Variants in LRP1B observed in about 807,000 individuals in gnomAD.
LRP1B encodes low-density lipoprotein receptor-related protein 1B.
LRP1B carries 217 observed loss-of-function variants against 556.6 expected under a neutral mutation model. The ratio of observed to expected loss-of-function variants is 0.39; its 90% confidence interval spans 0.35 to 0.44. The LOEUF (loss-of-function observed/expected upper bound fraction) is 0.44. LRP1B is among the 20% of genes least tolerant of loss of function. The pLI is 1.00. For synonymous variants in LRP1B, 2,047 were observed against 1,865.8 expected (o/e 1.10, Z -2.50); for missense variants, 5,053 against 5,620.8 (o/e 0.90, Z 3.23).
intron 1 of LRP1B, among the ~76,000 whole-genome samples, chr2:141,935,289 G>T (rs764544767): frequency 1.6e-4 from 25 of 152,136 alleles, no homozygotes; most frequent in Non-Finnish European, 3.1e-4. Flanking sequence ...ACATAAAAAT[G>T]ATAGTCATTA....
intron 32 of LRP1B, among the ~76,000 whole-genome samples, chr2:140,806,278 C>T (rs1350410476): frequency 2.0e-5 from 3 of 151,934 alleles, no homozygotes; most frequent in Non-Finnish European, 2.9e-5. Context: ...GTAAGACATA[C>T]AAATATATAA....
intron 6 of LRP1B, among the ~76,000 whole-genome samples, chr2:141,216,864 A>G (rs1053323369): frequency 6.6e-6 from 1 of 152,296 alleles, no homozygotes; most frequent in Admixed American, 6.5e-5. Context: ...GGTACAATGC[A>G]TATACCTCCA....
At chr2:141,226,449 G>A (rs1218080644) in intron 6 of LRP1B, among the ~76,000 whole-genome samples, 2 of 152,046 alleles carry the variant, frequency 1.3e-5, no homozygotes, top group Non-Finnish European at 2.9e-5. Context: ...TATTATTATG[G>A]AAGTGTTAAC....
intron 86 of LRP1B, among the ~76,000 whole-genome samples, chr2:140,252,941 T>C (rs1169052737): frequency 2.0e-5 from 3 of 152,082 alleles, no homozygotes; most frequent in South Asian, 2.1e-4. Context: ...TACAGCAAGT[T>C]ACCATATATT....
chr2:141,017,911 C>T (rs116273075), intron 12 of LRP1B, among the ~76,000 whole-genome samples: 238 of 151,098 alleles, frequency 1.6e-3, no homozygotes, highest in African/African-American at 5.6e-3. Context: ...GTGGGAGAAT[C>T]GATCACTTGA....
chr2:142,125,690 A>G (rs1377531394), intron 1 of LRP1B, among the ~76,000 whole-genome samples: 1 of 151,830 alleles, frequency 6.6e-6, no homozygotes, highest in Non-Finnish European at 1.5e-5. Flanking sequence ...TTTCATTTCT[A>G]TGTCTCTAGA....
chr2:140,971,630 C>T (rs149308010), intron 18 of LRP1B, among the ~76,000 whole-genome samples: 6 of 152,024 alleles, frequency 3.9e-5, no homozygotes, highest in South Asian at 2.1e-4. Context: ...GTCAGGAGAT[C>T]GAGACCATCC....
chr2:141,206,446 G>T (rs932865126), intron 6 of LRP1B, among the ~76,000 whole-genome samples: 1 of 151,956 alleles, frequency 6.6e-6, no homozygotes, highest in African/African-American at 2.4e-5. Context: ...TTAGCCAGGC[G>T]TGGTGGCGGG....
intron 7 of LRP1B, among the ~76,000 whole-genome samples, chr2:141,067,799 A>G (rs951535096): frequency 6.6e-6 from 1 of 152,026 alleles, no homozygotes; most frequent in Non-Finnish European, 1.5e-5. Context: ...ACTGCAAAGT[A>G]TGCGGTCCAC....
intron 7 of LRP1B, among the ~76,000 whole-genome samples, chr2:141,165,139 T>A (rs1237439360): frequency 6.6e-6 from 1 of 151,968 alleles, no homozygotes; most frequent in African/African-American, 2.4e-5. Flanking sequence ...AACACCTAGA[T>A]TAAAAGTAGC....
rs190525493 is a variant in LRP1B, at chr2:141,900,861, C to T, written c.83-90460G>A. On this transcript the variant is annotated intron_variant, in intron 1 of 90. Coordinates refer to ENST00000389484, the MANE Select transcript of LRP1B (RefSeq NM_018557.3). ...CCTTCTCAAATTATCTAAATTTGAG[C>T]ACTCCATCTGTTTCTTGCTGGGAAC... Among the ~76,000 whole-genome samples, 37 of 152,038 alleles carry T rather than the reference C, an allele frequency of 2.4e-4. No individual in the cohort carries two copies. In the East Asian group the frequency reaches 2.7e-3, roughly 11 times the overall value.
At chr2:140,507,120 A>G (rs1226602490) in intron 52 of LRP1B, among the ~76,000 whole-genome samples, 4 of 152,232 alleles carry the variant, frequency 2.6e-5, no homozygotes, top group East Asian at 1.9e-4. Flanking sequence ...ATAAATACAC[A>G]TAATTCAAGG....
intron 3 of LRP1B, among the ~76,000 whole-genome samples, chr2:141,376,612 A>C (rs1689448428): frequency 6.6e-6 from 1 of 152,228 alleles, no homozygotes; most frequent in South Asian, 2.1e-4. Context: ...GAAATGTTTT[A>C]AAATATGCAT....
intron 22 of LRP1B, 42 bp downstream of exon 22, chr2:140,907,835 G>C (rs1364280600): frequency 1.8e-5 from 28 of 1,543,674 alleles, no homozygotes; most frequent in Non-Finnish European, 2.5e-5. Context: ...CTAAAAGGTT[G>C]TAGTTTTCAT....
chr2:140,709,696 G>A (rs975723920), intron 37 of LRP1B, among the ~76,000 whole-genome samples: 1 of 151,876 alleles, frequency 6.6e-6, no homozygotes, highest in South Asian at 2.1e-4. Context: ...CTCCATTATG[G>A]TTCACATTTT....
intron 35 of LRP1B, among the ~76,000 whole-genome samples, chr2:140,727,876 T>C (rs998044829): frequency 2.6e-5 from 4 of 152,200 alleles, no homozygotes; most frequent in Admixed American, 6.5e-5. Context: ...GCTAACAAAT[T>C]ACATTTGTTT....
intron 1 of LRP1B, among the ~76,000 whole-genome samples, chr2:142,038,244 T>C (rs1703952669): frequency 6.6e-6 from 1 of 151,578 alleles, no homozygotes; most frequent in Non-Finnish European, 1.5e-5. Flanking sequence ...GGCATCGGTT[T>C]TAAATGGTGA....
intron 41 of LRP1B, among the ~76,000 whole-genome samples, chr2:140,619,814 C>A (rs1318868858): frequency 1.3e-5 from 2 of 151,754 alleles, no homozygotes; most frequent in African/African-American, 2.4e-5. Context: ...AAGCTTCACA[C>A]AGAAAATGAA....
In LRP1B at chr2:141,544,337, C is replaced by CTTCTTCTTCTTCTT. The variant is rs1559131158; in HGVS notation, c.206-63818_206-63805dup. ...TCTTCTTCTTCTTCTTCTTCTTCTT[C>CTTCTTCTTCTTCTT]TTCTTCTTCTTCTTCTTCTTCTTCT... is the stretch of plus-strand genomic sequence containing the variant. On this transcript the variant is annotated intron_variant, in intron 2 of 90. Transcript: ENST00000389484. Among the ~76,000 whole-genome samples, 174 of 67,218 alleles carry CTTCTTCTTCTTCTT rather than the reference C, an allele frequency of 2.6e-3. 5 individuals are homozygous for CTTCTTCTTCTTCTT. Among genetic ancestry groups the CTTCTTCTTCTTCTT allele is most frequent in the African/African-American group, 8.6e-3 (150 of 17,478 alleles). 44.1% of individuals were successfully genotyped at this position (67,218 alleles called of 152,430 possible).
Sources: allele counts gnomAD v4.1 joint callset (sites outside exome capture counted in the v4.1 genomes callset), GRCh38; gene constraint gnomAD v4.1.1; transcripts MANE v1.5; gene names NCBI Gene and HGNC (gene_info 2026-07-23, HGNC 2026-07-21).